The following FUT8 variants were observed in gnomAD, a reference collection of about 807,000 sequenced individuals.
FUT8 encodes the protein fucosyltransferase 8.
FUT8 carries 29 observed loss-of-function variants against 71.3 expected under a neutral mutation model. The ratio of observed to expected loss-of-function variants is 0.41; its 90% CI spans 0.30 to 0.55. The LOEUF (loss-of-function observed/expected upper bound fraction) is 0.55, where lower values mean the gene tolerates loss of function less well. FUT8 is among the 20% of genes least tolerant of loss of function. The probability of loss-of-function intolerance (pLI) is 0.34; values close to 1 mark genes in which losing one functional copy is unlikely to be tolerated. For missense variants in FUT8, 544 were observed against 702.1 expected, an observed-to-expected ratio of 0.77 and a Z score of 2.55; for synonymous variants, 254 against 239.3, an observed-to-expected ratio of 1.06 and a Z score of -0.57.
chr14:65,691,627 C>A (rs12435769), intron 7 of FUT8, among the ~76,000 whole-genome samples: 4 of 150,046 alleles, frequency 2.7e-5, no homozygotes, highest in Admixed American at 2.6e-4. Context: ...ATTTATTGAT[C>A]ATTCTTGGGT....
Position 65,652,376 on chromosome 14 carries a change from TTTTC to T in FUT8, c.598-16861_598-16858del, listed in dbSNP as rs1891452180. The stretch of plus-strand genomic sequence containing the variant: ...GCTGGTGGGAACGTCAGAGAAATGT[TTTTC>T]TTTCTGATAAAAATGGAGAGCACAT... On this transcript the variant is annotated intron_variant, in intron 6 of 10. Transcript: ENST00000673929. The surrounding 1 kb of genome is among the most constrained non-coding windows in gnomAD (Gnocchi z 4.0). Among the ~76,000 whole-genome samples, 1 of 152,202 alleles carries T rather than the reference TTTTC, an allele frequency of 6.6e-6. No homozygotes were observed. Among genetic ancestry groups the T allele is most frequent in the South Asian group, 2.1e-4 (1 of 4,832 alleles).
At chr14:65,429,021 C>T (rs763353156) in intron 1 of FUT8, among the ~76,000 whole-genome samples, 1 of 152,084 alleles carries the variant, frequency 6.6e-6, no homozygotes, top group South Asian at 2.1e-4. Context: ...GAAAACAATA[C>T]ATGTATGGGG....
Position 65,638,607 on chromosome 14 carries a change from C to A in FUT8, c.597+9001C>A, listed in dbSNP as rs1028348086. Among the ~76,000 whole-genome samples the A allele has an allele frequency of 1.4e-4, 21 of 151,962 alleles. No homozygotes were observed. The highest frequency in any genetic ancestry group is 2.9e-5 in the Non-Finnish European group (2 of 68,008). On this transcript the variant is annotated intron_variant, in intron 6 of 10. Transcript: ENST00000673929. This position sits in a 1 kb window ranked among gnomAD's most constrained non-coding sequence, Gnocchi z 4.5. ...CTTTGGAATAAGGGGAATGTTAATG[C>A]TGGGGATACATTATTGAGGCTATTA...
chr14:65,506,060 A>G (rs916917365), intron 2 of FUT8, among the ~76,000 whole-genome samples: 6 of 152,240 alleles, frequency 3.9e-5, no homozygotes, highest in Non-Finnish European at 7.3e-5. Context: ...TGTGGAAGTA[A>G]TAATAAAATT....
chr14:65,563,532 G>A (rs570500171), intron 3 of FUT8, among the ~76,000 whole-genome samples: 42 of 152,062 alleles, frequency 2.8e-4, no homozygotes, highest in South Asian at 2.1e-4. Flanking sequence ...AGAAATCAGT[G>A]ACCTAAACAT....
At chr14:65,505,569 C>G (rs79731451) in intron 2 of FUT8, among the ~76,000 whole-genome samples, 1 of 152,028 alleles carries the variant, frequency 6.6e-6, no homozygotes, top group South Asian at 2.1e-4. Flanking sequence ...GCCTTAGCCT[C>G]CCAAAGTGCT....
At chr14:65,657,793 T>A (rs1891758472) in intron 6 of FUT8, among the ~76,000 whole-genome samples, 1 of 152,056 alleles carries the variant, frequency 6.6e-6, no homozygotes, top group South Asian at 2.1e-4. Flanking sequence ...TAGTCAATAA[T>A]ACATTTAAAA....
At chr14:65,706,539 G>A (rs936625819) in intron 7 of FUT8, among the ~76,000 whole-genome samples, 3 of 152,092 alleles carry the variant, frequency 2.0e-5, no homozygotes, top group African/African-American at 7.2e-5. Context: ...TATAAACTGG[G>A]TGGCCTATAA....
chr14:65,390,765 C>T, the FUT8 span, among the ~76,000 whole-genome samples: 1 of 149,824 alleles, frequency 6.7e-6, no homozygotes, highest in Non-Finnish European at 1.5e-5. Flanking sequence ...GCTATGTCAC[C>T]CTGGCTGGAG....
rs117531165 is a variant in FUT8, at chr14:65,480,479, C to A, written c.-228+24761C>A. Among the ~76,000 whole-genome samples the A allele has an allele frequency of 5.6e-3, 853 of 151,742 alleles. 27 individuals carry two copies. In the East Asian group the frequency reaches 0.091, roughly 16 times the overall value. ...TACAGGTACACTCCATCATGCCCAGCTAATTTTTGTATTTTTTGTAGAGAC... is the reference window on the plus strand; with the variant it reads ...TACAGGTACACTCCATCATGCCCAGATAATTTTTGTATTTTTTGTAGAGAC... On this transcript the variant is annotated intron_variant, in intron 2 of 10. Coordinates refer to ENST00000673929, the MANE Select transcript of FUT8 (RefSeq NM_001371533.1).
At chr14:65,421,231 G>T (rs1037924621) in intron 1 of FUT8, among the ~76,000 whole-genome samples, 1 of 149,556 alleles carries the variant, frequency 6.7e-6, no homozygotes, top group African/African-American at 2.5e-5. Context: ...AAGGAAGAGA[G>T]AATATATTTA....
At chr14:65,592,444 G>C (rs912224981) in intron 3 of FUT8, among the ~76,000 whole-genome samples, 1 of 151,890 alleles carries the variant, frequency 6.6e-6, no homozygotes, top group Non-Finnish European at 1.5e-5. Context: ...AGCTACCTAC[G>C]TACCTACCTA....
intron 2 of FUT8, among the ~76,000 whole-genome samples, chr14:65,487,336 G>T (rs1051255317): frequency 6.6e-6 from 1 of 152,106 alleles, no homozygotes; most frequent in Non-Finnish European, 1.5e-5. Flanking sequence ...GGCCAGGCAG[G>T]CAGATCACTT....
intron 10 of FUT8, among the ~76,000 whole-genome samples, chr14:65,740,969 A>T (rs1005395245): frequency 6.6e-6 from 1 of 152,102 alleles, no homozygotes; most frequent in African/African-American, 2.4e-5. Flanking sequence ...TACTATGAGT[A>T]GCGTCATTTT....
chr14:65,689,923 C>A (rs1370303924), intron 7 of FUT8, among the ~76,000 whole-genome samples: 1 of 152,204 alleles, frequency 6.6e-6, no homozygotes, highest in African/African-American at 2.4e-5. Context: ...TCTGAAAACT[C>A]ATTGCCAAAT....
At chr14:65,650,192 G>T (rs572543905) in intron 6 of FUT8, among the ~76,000 whole-genome samples, 48 of 151,414 alleles carry the variant, frequency 3.2e-4, no homozygotes, top group Non-Finnish European at 6.2e-4. Context: ...CCAGCTACTC[G>T]GGAGGCTGAG....
chr14:65,376,754 C>T, the FUT8 span, among the ~76,000 whole-genome samples: 1 of 152,146 alleles, frequency 6.6e-6, no homozygotes, highest in Non-Finnish European at 1.5e-5. Context: ...TCATAGCAGA[C>T]AAGTTCATCT....
intron 1 of FUT8, among the ~76,000 whole-genome samples, chr14:65,446,116 T>C (rs1366170220): frequency 6.6e-6 from 1 of 152,236 alleles, no homozygotes; most frequent in African/African-American, 2.4e-5. Context: ...TATATGTATA[T>C]TTTGAATTTG....
chr14:65,474,065 T>G (rs929291677), intron 2 of FUT8, among the ~76,000 whole-genome samples: 1 of 152,084 alleles, frequency 6.6e-6, no homozygotes, highest in Admixed American at 6.6e-5. Context: ...GAATACCATA[T>G]GTTCTCACAA....
Sources: allele counts gnomAD v4.1 joint callset (sites outside exome capture counted in the v4.1 genomes callset), GRCh38; gene constraint gnomAD v4.1.1; non-coding constraint Gnocchi (gnomAD v3.1); transcripts MANE v1.5; gene names NCBI Gene and HGNC (gene_info 2026-07-23, HGNC 2026-07-21).